Variants in ATP9B observed in about 807,000 individuals in gnomAD.
ATP9B encodes probable phospholipid-transporting ATPase IIB.
Under a neutral mutation model 146.1 loss-of-function variants are expected in ATP9B, and 110 were observed. That is an observed-to-expected ratio of 0.75 (90% CI 0.65 to 0.88). The LOEUF (loss-of-function observed/expected upper bound fraction) is 0.88. Among genes scored for constraint, ATP9B ranks in the 40% least tolerant of loss-of-function variants. ATP9B has a pLI of 0.00. For missense variants in ATP9B, 1,499 were observed against 1,496.4 expected (o/e 1.00, Z -0.03); for synonymous variants, 604 against 569.7 (o/e 1.06, Z -0.86).
At chr18:79,085,108 T>G (rs1000312159) in intron 1 of ATP9B, 10 of 152,022 alleles carry the variant, frequency 6.6e-5, no homozygotes, top group African/African-American at 2.2e-4. Flanking sequence ...TACACAATCA[T>G]GGTGGAAGGT....
chr18:79,233,083 C>T (rs1010278603), intron 11 of ATP9B, among the ~76,000 whole-genome samples: 7 of 152,006 alleles, frequency 4.6e-5, no homozygotes, highest in African/African-American at 1.2e-4. Context: ...CTTGAGCCCA[C>T]GAGATCAAGA....
At chr18:79,170,290 C>T (rs1470327852) in intron 7 of ATP9B, among the ~76,000 whole-genome samples, 1 of 152,212 alleles carries the variant, frequency 6.6e-6, no homozygotes, top group African/African-American at 2.4e-5. Flanking sequence ...AATGGGAGCA[C>T]ACAGTGATAA....
intron 11 of ATP9B, among the ~76,000 whole-genome samples, chr18:79,217,162 GTATT>G (rs1278159942): frequency 6.6e-6 from 1 of 152,178 alleles, no homozygotes; most frequent in African/African-American, 2.4e-5. Context: ...CTTAGATTTG[GTATT>G]TATTTCTTTG....
intron 11 of ATP9B, among the ~76,000 whole-genome samples, chr18:79,221,913 C>T (rs943508315): frequency 1.6e-3 from 65 of 39,834 alleles, no homozygotes; most frequent in Admixed American, 2.0e-3. Flanking sequence ...CAATTTTGTT[C>T]TTTTTTAGCT....
chr18:79,326,421 C>G (rs1430027445), intron 15 of ATP9B, among the ~76,000 whole-genome samples: 1 of 143,330 alleles, frequency 7.0e-6, no homozygotes, highest in Non-Finnish European at 1.5e-5. Context: ...TGTACCCTCC[C>G]TCCCCTCACA....
intron 25 of ATP9B, among the ~76,000 whole-genome samples, chr18:79,349,272 C>T (rs911133037): frequency 6.6e-6 from 1 of 152,270 alleles, no homozygotes; most frequent in Non-Finnish European, 1.5e-5. Context: ...CCAGGTTCCA[C>T]TCCACAAAGA....
At chr18:79,335,881 A>G (rs1276141312) in intron 17 of ATP9B, among the ~76,000 whole-genome samples, 1 of 152,222 alleles carries the variant, frequency 6.6e-6, no homozygotes, top group African/African-American at 2.4e-5. Flanking sequence ...AAAAACACAA[A>G]GTCTGTGGCA....
chr18:79,327,709 T>G, intron 15 of ATP9B, among the ~76,000 whole-genome samples: 1 of 95,888 alleles, frequency 1.0e-5, no homozygotes, highest in African/African-American at 4.3e-5. Context: ...GTGTGCTCTC[T>G]CCATGGTTAG....
At chr18:79,180,945 C>T (rs2095244371) in intron 8 of ATP9B, among the ~76,000 whole-genome samples, 1 of 151,764 alleles carries the variant, frequency 6.6e-6, no homozygotes, top group Non-Finnish European at 1.5e-5. Flanking sequence ...GCATGTGCCA[C>T]CACCACGCCC....
intron 29 of ATP9B, among the ~76,000 whole-genome samples, chr18:79,376,726 C>T (rs2097105465): frequency 7.0e-6 from 1 of 142,316 alleles, no homozygotes; most frequent in Non-Finnish European, 1.5e-5. Context: ...GATGGAGTCT[C>T]ACTCTGTCCC....
intron 12 of ATP9B, 137 bp downstream of exon 12, chr18:79,253,678 AGGAATTCTTCTGT>A: frequency 1.1e-6 from 1 of 938,094 alleles, no homozygotes; most frequent in Non-Finnish European, 1.5e-6. Flanking sequence ...AGGAATCTTG[AGGAATTCTTCTGT>A]GGAAATGTTG....
At chr18:79,259,538 G>A (rs1477061597) in intron 12 of ATP9B, among the ~76,000 whole-genome samples, 1 of 152,224 alleles carries the variant, frequency 6.6e-6, no homozygotes, top group Non-Finnish European at 1.5e-5. Context: ...TGGCTTTGTT[G>A]AAAGCACTGA....
At chr18:79,247,606 A>G (rs1438262368) in intron 11 of ATP9B, among the ~76,000 whole-genome samples, 1 of 152,166 alleles carries the variant, frequency 6.6e-6, no homozygotes, top group East Asian at 1.9e-4. Flanking sequence ...TGTAACATCA[A>G]AAGTTGGGTA....
intron 9 of ATP9B, among the ~76,000 whole-genome samples, chr18:79,202,860 T>A (rs1201402483): frequency 1.3e-5 from 2 of 152,222 alleles, no homozygotes; most frequent in African/African-American, 4.8e-5. Flanking sequence ...GGAAACCAGC[T>A]AAAATTTCTA....
chr18:79,113,669 C>T (rs1321207212), intron 4 of ATP9B, among the ~76,000 whole-genome samples: 1 of 152,174 alleles, frequency 6.6e-6, no homozygotes, highest in African/African-American at 2.4e-5. Context: ...TTTGATGCAG[C>T]TGTTGGGAAT....
intron 9 of ATP9B, among the ~76,000 whole-genome samples, chr18:79,204,070 G>A (rs1266317642): frequency 6.6e-6 from 1 of 152,142 alleles, no homozygotes; most frequent in Non-Finnish European, 1.5e-5. Flanking sequence ...AAAAGTCATA[G>A]GGATAACTCA....
intron 7 of ATP9B, among the ~76,000 whole-genome samples, chr18:79,163,732 G>A (rs770656586): frequency 6.0e-5 from 9 of 150,990 alleles, no homozygotes; most frequent in Admixed American, 2.0e-4. Context: ...ATATGTATGC[G>A]TGTGTGTATA....
intron 9 of ATP9B, among the ~76,000 whole-genome samples, chr18:79,204,298 C>T (rs1304779658): frequency 6.6e-6 from 1 of 152,210 alleles, no homozygotes; most frequent in Non-Finnish European, 1.5e-5. Context: ...AGCTTAATTT[C>T]ATTCCAGTGT....
intron 12 of ATP9B, among the ~76,000 whole-genome samples, chr18:79,256,284 T>TATATATATATATATATATATACATATAC (rs1217998447): frequency 5.7e-5 from 7 of 122,898 alleles, no homozygotes; most frequent in Admixed American, 1.6e-4. Context: ...TATATATATA[T>TATATATATATATATATATATACATATAC]ATACATACAT....
Sources: allele counts gnomAD v4.1 joint callset (sites outside exome capture counted in the v4.1 genomes callset), GRCh38; gene constraint gnomAD v4.1.1; transcripts MANE v1.5; gene names NCBI Gene and HGNC (gene_info 2026-07-23, HGNC 2026-07-21).